The following TMEM161B variants were observed in gnomAD, a reference collection of about 807,000 sequenced individuals.
TMEM161B encodes the protein transmembrane protein 161B.
Under a neutral mutation model 61.8 loss-of-function variants are expected in TMEM161B, and 34 were observed. The ratio of observed to expected loss-of-function variants is 0.55; its 90% CI spans 0.42 to 0.73. TMEM161B has a LOEUF of 0.73. Ranked by LOEUF, TMEM161B falls within the 30% of genes least tolerant of loss-of-function variation. TMEM161B has a pLI of 0.00. For synonymous variants in TMEM161B, 167 were observed against 192.8 expected, an observed-to-expected ratio of 0.87 and a Z score of 1.11; for missense variants, 456 against 558.5, an observed-to-expected ratio of 0.82 and a Z score of 1.85.
intron 3 of TMEM161B, among the ~76,000 whole-genome samples, chr5:88,227,708 G>T (rs1044474925): frequency 6.6e-6 from 1 of 152,060 alleles, no homozygotes; most frequent in Non-Finnish European, 1.5e-5. Context: ...GAGAAATATG[G>T]TTATAATTTG....
In TMEM161B at chr5:88,203,801, ATATATATATATAT is replaced by A. The variant is rs1561312730; in HGVS notation, c.801-739_801-727del. On this transcript the variant is annotated intron_variant, in intron 8 of 11. Transcript: ENST00000296595. ...TATATATATATATATATATATATATATATATATATATATAATTTGCATTACTCCTGACAAGGCA... is the reference window on the plus strand; with the variant it reads ...TATATATATATATATATATATATATAAATTTGCATTACTCCTGACAAGGCA... 2.0e-3 allele frequency among the ~76,000 whole-genome samples: 123 copies of A among 61,720 alleles called. 9 individuals carry two copies. Among genetic ancestry groups the A allele is most frequent in the African/African-American group, 5.5e-3 (98 of 17,770 alleles). The allele number at this position is 61,720 out of a possible 152,430, so 40.5% of individuals were successfully genotyped here.
At chr5:88,203,124 T>G in intron 8 of TMEM161B, 49 bp from the exon 9 acceptor site, 4 of 1,151,124 alleles carry the variant, frequency 3.5e-6, no homozygotes, top group Non-Finnish European at 5.2e-6. Context: ...CAGCACGTGC[T>G]AATAAACTAC....
chr5:88,254,777 G>C (rs1418264333), intron 1 of TMEM161B, among the ~76,000 whole-genome samples: 1 of 151,576 alleles, frequency 6.6e-6, no homozygotes, highest in Non-Finnish European at 1.5e-5. Flanking sequence ...AGTAGGTTGA[G>C]ACTGCAGTGA....
chr5:88,187,492 AT>A (rs1300679275), downstream of TMEM161B, among the ~76,000 whole-genome samples: 11 of 152,128 alleles, frequency 7.2e-5, no homozygotes, highest in Non-Finnish European at 1.5e-5. Flanking sequence ...GTCTACTTTA[AT>A]TTCTCTTAAC....
chr5:88,220,621 G>T lies in TMEM161B; in HGVS notation c.388C>A (p.Pro130Thr). 2 of 1,599,302 alleles carry T rather than the reference G, an allele frequency of 1.3e-6. No homozygotes were observed. Among genetic ancestry groups the T allele is most frequent in the Non-Finnish European group, 1.7e-6 (2 of 1,175,646 alleles). ...VTEVYYNFMKPTQEMNISLVW... is the reference protein window; with the variant it reads ...VTEVYYNFMKTTQEMNISLVW... ...AAGCTGATATTCATTTCCTGTGTAGGCTTCATAAAATTGTAGTAGACTTCA... is the reference window on the plus strand; with the variant it reads ...AAGCTGATATTCATTTCCTGTGTAGTCTTCATAAAATTGTAGTAGACTTCA... Residue 130 changes from proline (P) to threonine (T), a missense_variant, in exon 5 of 12, where the codon CCT becomes ACT. Pro to Thr is a conservative substitution (Grantham distance 38). Around this residue, in one of 3 missense-constraint regions of TMEM161B, gnomAD observed 367 missense variants for 427.3 expected, o/e 0.86. Transcript: ENST00000296595.
At chr5:88,263,776 A>G (rs1287914519) in intron 1 of TMEM161B, among the ~76,000 whole-genome samples, 2 of 152,242 alleles carry the variant, frequency 1.3e-5, no homozygotes. Flanking sequence ...TAAGTGGATC[A>G]AAGCCCAAAG....
intron 4 of TMEM161B, among the ~76,000 whole-genome samples, chr5:88,222,559 C>T (rs996652542): frequency 1.3e-5 from 2 of 152,020 alleles, no homozygotes; most frequent in African/African-American, 4.8e-5. Flanking sequence ...AATCCATTTA[C>T]GGTTTTCAAT....
At chr5:88,227,624 T>C (rs909917973) in intron 3 of TMEM161B, among the ~76,000 whole-genome samples, 8 of 152,194 alleles carry the variant, frequency 5.3e-5, no homozygotes, top group African/African-American at 1.9e-4. Context: ...TGATGCCAAA[T>C]AATCATTAAT....
Position 88,210,706 on chromosome 5 carries a change from T to C in TMEM161B, c.447-3526A>G, listed in dbSNP as rs548973273. Among the ~76,000 whole-genome samples, 24 of 152,300 alleles carry C rather than the reference T, an allele frequency of 1.6e-4. No homozygotes were observed. In the South Asian group the frequency reaches 4.6e-3, roughly 29 times the overall value. Reference sequence around the variant, plus strand: ...GGCAGGAGATTAAGAGATTCTCCTCTAGAGAAACTGAAAGGCCTCAAGGAA... The same window carrying C: ...GGCAGGAGATTAAGAGATTCTCCTCCAGAGAAACTGAAAGGCCTCAAGGAA... On this transcript the variant is annotated intron_variant, in intron 5 of 11. Transcript: ENST00000296595.
At chr5:88,240,787 T>C (rs200672246) in intron 2 of TMEM161B, 26 bp downstream of exon 2, 87 of 1,528,270 alleles carry the variant, frequency 5.7e-5, no homozygotes, top group South Asian at 2.2e-4. Context: ...AAAGTGTCAG[T>C]TGAAATCAGC....
chr5:88,247,415 T>C (rs1237335659), intron 1 of TMEM161B, among the ~76,000 whole-genome samples: 1 of 152,042 alleles, frequency 6.6e-6, no homozygotes, highest in Admixed American at 6.6e-5. Context: ...CATACATTGT[T>C]TACTACTGAA....
At chr5:88,254,823 G>A (rs764969206) in intron 1 of TMEM161B, among the ~76,000 whole-genome samples, 2 of 149,552 alleles carry the variant, frequency 1.3e-5, no homozygotes, top group Non-Finnish European at 3.0e-5. Flanking sequence ...GCCTGACAAA[G>A]TGAGACCCTC....
At position 88,207,137 on chromosome 5, in the gene TMEM161B, C is replaced by T; in HGVS notation, c.490G>A (p.Asp164Asn). The change falls in exon 6 of 12, where the codon GAT becomes AAT. Residue 164 changes from aspartate (D) to asparagine (N), a missense_variant. Asp to Asn is a conservative substitution (Grantham distance 23). This residue lies in a region of TMEM161B where 367 missense variants were observed against 427.3 expected (regional missense o/e 0.86). Coordinates refer to ENST00000296595, the MANE Select transcript of TMEM161B (RefSeq NM_153354.5). ...ACACAAACAGATCTTTCACCACCAT[C>T]TTCTACTTTAAAATAGTGTGTAGTT... ...SLTTHYFKVE[D>N]GGERSVCVTF... 1 of 1,613,056 alleles carries T rather than the reference C, an allele frequency of 6.2e-7. No individual in the cohort carries two copies. Among genetic ancestry groups the T allele is most frequent in the Non-Finnish European group, 8.5e-7 (1 of 1,179,482 alleles).
At chr5:88,217,971 T>C (rs1352562209) in intron 5 of TMEM161B, among the ~76,000 whole-genome samples, 1 of 150,542 alleles carries the variant, frequency 6.6e-6, no homozygotes, top group Admixed American at 6.6e-5. Context: ...GAAGATAATG[T>C]AATCATAAAA....
At chr5:88,203,914 G>A (rs1055673630) in intron 8 of TMEM161B, among the ~76,000 whole-genome samples, 1 of 150,608 alleles carries the variant, frequency 6.6e-6, no homozygotes, top group South Asian at 2.1e-4. Context: ...GTATCCTACA[G>A]AGATAGATGG....
chr5:88,216,028 C>A (rs1028497751), intron 5 of TMEM161B, among the ~76,000 whole-genome samples: 2 of 152,114 alleles, frequency 1.3e-5, no homozygotes, highest in Non-Finnish European at 2.9e-5. Context: ...GAAGCCGAGA[C>A]AGAAGGATGG....
intron 5 of TMEM161B, among the ~76,000 whole-genome samples, chr5:88,208,842 T>C (rs1561326155): frequency 2.0e-5 from 3 of 152,226 alleles, no homozygotes; most frequent in Non-Finnish European, 4.4e-5. Context: ...GTCAATGTGG[T>C]ACTTTTAGCA....
chr5:88,268,028 A>T (rs1465949553), intron 1 of TMEM161B, among the ~76,000 whole-genome samples: 5 of 151,998 alleles, frequency 3.3e-5, no homozygotes, highest in African/African-American at 1.2e-4. Context: ...TTTCATCCCA[A>T]TTCCTGACAT....
chr5:88,264,038 C>CA (rs1423118765), intron 1 of TMEM161B, among the ~76,000 whole-genome samples: 1 of 152,004 alleles, frequency 6.6e-6, no homozygotes, highest in Non-Finnish European at 1.5e-5. Context: ...ACTCAGCTGG[C>CA]AAAAGGACCT....
Sources: allele counts gnomAD v4.1 joint callset (sites outside exome capture counted in the v4.1 genomes callset), GRCh38; gene constraint gnomAD v4.1.1; regional missense constraint gnomAD v4.1.1; transcripts MANE v1.5; gene names NCBI Gene and HGNC (gene_info 2026-07-23, HGNC 2026-07-21).